Variants in ADAM32 observed in about 807,000 individuals in gnomAD.
ADAM32 encodes the protein ADAM metallopeptidase domain 32.
Under a neutral mutation model 114.9 loss-of-function variants are expected in ADAM32, and 89 were observed. The observed-to-expected ratio is 0.77, with a 90% CI of 0.65 to 0.92. The LOEUF (loss-of-function observed/expected upper bound fraction) is 0.92. Among genes scored for constraint, ADAM32 ranks in the 40% least tolerant of loss-of-function variants. The probability of loss-of-function intolerance (pLI) is 0.00; values close to 1 mark genes in which losing one functional copy is unlikely to be tolerated. For synonymous variants in ADAM32, 285 were observed against 307.5 expected (o/e 0.93, Z 0.77); for missense variants, 870 against 932.8 (o/e 0.93, Z 0.88).
chr8:39,161,127 A>G (rs939174281), intron 7 of ADAM32, among the ~76,000 whole-genome samples, 162 bp downstream of exon 7: 2 of 152,248 alleles, frequency 1.3e-5, no homozygotes, highest in African/African-American at 2.4e-5. Context: ...AGTCAAAATG[A>G]TACTAGTTTT....
chr8:39,257,170 TGTATTTC>T lies in ADAM32; in HGVS notation c.2006-16_2006-10del. On this transcript the variant is annotated splice_polypyrimidine_tract_variant and intron_variant, in intron 18 of 24. Transcript: ENST00000379907. ...TTTAATTTTTTTGTTTTTTTTTTTT[TGTATTTC>T]TGTTTTTAGGTTCAATCATGGAAAG... 1 of 1,508,260 alleles carries T rather than the reference TGTATTTC, an allele frequency of 6.6e-7. No homozygotes were observed. The highest frequency in any genetic ancestry group is 2.3e-5 in the Admixed American group (1 of 42,748). 93.4% of individuals were successfully genotyped at this position (1,508,260 alleles called of 1,614,324 possible).
intron 2 of ADAM32, among the ~76,000 whole-genome samples, chr8:39,121,109 A>G (rs932764687): frequency 3.9e-5 from 6 of 152,218 alleles, no homozygotes; most frequent in Non-Finnish European, 8.8e-5. Context: ...TTAAAATGAG[A>G]AATGATGTTT....
At chr8:39,235,003 G>A (rs866325595) in intron 16 of ADAM32, among the ~76,000 whole-genome samples, 6 of 151,066 alleles carry the variant, frequency 4.0e-5, no homozygotes, top group East Asian at 3.9e-4. Context: ...CCTTCCCCCC[G>A]CCCCTCTCTG....
intron 10 of ADAM32, among the ~76,000 whole-genome samples, chr8:39,179,322 T>G (rs1485770152): frequency 2.6e-5 from 4 of 152,344 alleles, no homozygotes; most frequent in African/African-American, 9.6e-5. Flanking sequence ...TCCAGCCTGC[T>G]GCTACTGGCT....
chr8:39,226,332 T>C (rs979150057), intron 14 of ADAM32, among the ~76,000 whole-genome samples: 2 of 152,076 alleles, frequency 1.3e-5, no homozygotes, highest in Non-Finnish European at 1.5e-5. Flanking sequence ...TTTAAAATAA[T>C]AATAACTGAA....
chr8:39,227,873 A>C lies in ADAM32; in HGVS notation c.1526-4154A>C, dbSNP rs369515879. 2.0e-5 allele frequency among the ~76,000 whole-genome samples: 3 copies of C among 152,302 alleles called. No individual in the cohort carries two copies. The East Asian group carries it at 5.8e-4, about 29-fold the overall frequency. ...ACCACCTCCTGGCAGGAGGCCAACC[A>C]GCACAAAAATAGGGCATTAAGCCAC... is the stretch of plus-strand genomic sequence containing the variant. On this transcript the variant is annotated intron_variant, in intron 14 of 24. Transcript: ENST00000379907.
Position 39,160,880 on chromosome 8 carries a change from GT to G in ADAM32, c.526-13del. On this transcript the variant is annotated splice_polypyrimidine_tract_variant and intron_variant, in intron 6 of 24. Transcript: ENST00000379907. ...TGAAATTTTTCATGTATTATATGCT[GT>G]TTTCCTTTTTTCTAGTCAGAACCAG... The G allele has an allele frequency of 6.4e-7, 1 of 1,566,348 alleles. No homozygotes were observed. Among genetic ancestry groups the G allele is most frequent in the Admixed American group, 1.9e-5 (1 of 51,902 alleles).
intron 14 of ADAM32, chr8:39,224,152 C>T (rs142927277): frequency 6.6e-6 from 1 of 152,182 alleles, no homozygotes; most frequent in African/African-American, 2.4e-5. Context: ...ACTTTCATTC[C>T]ATCAGATTGT....
rs114514549 is a variant in ADAM32 at position 39,115,924 on chromosome 8, G to A, written c.59-2162G>A. 6.9e-3 allele frequency among the ~76,000 whole-genome samples: 1,057 copies of A among 152,230 alleles called. 22 individuals are homozygous for A. The highest frequency in any genetic ancestry group is 0.024 in the African/African-American group (999 of 41,526). On this transcript the variant is annotated intron_variant, in intron 1 of 24. Transcript: ENST00000379907. ...CATCTTGCATTGGTTATTGAATATG[G>A]CAAAAGGTTCAGTTGCAGTCTTCTG... is the stretch of plus-strand genomic sequence containing the variant.
chr8:39,150,270 T>G (rs775184053), intron 5 of ADAM32, among the ~76,000 whole-genome samples: 6 of 152,118 alleles, frequency 3.9e-5, no homozygotes, highest in Non-Finnish European at 7.4e-5. Flanking sequence ...TCTGCTGCTT[T>G]TGTAACTATA....
chr8:39,238,682 G>A (rs563316244), intron 16 of ADAM32, among the ~76,000 whole-genome samples: 3 of 152,094 alleles, frequency 2.0e-5, no homozygotes, highest in African/African-American at 7.2e-5. Context: ...ATTTTTTAAA[G>A]TACAGAATAT....
At chr8:39,255,619 G>A (rs1811607454) in intron 18 of ADAM32, among the ~76,000 whole-genome samples, 1 of 151,918 alleles carries the variant, frequency 6.6e-6, no homozygotes, top group African/African-American at 2.4e-5. Flanking sequence ...ATAGATTCTG[G>A]ATATTAGTTC....
intron 10 of ADAM32, among the ~76,000 whole-genome samples, chr8:39,173,241 A>G (rs933711099): frequency 6.6e-6 from 1 of 152,196 alleles, no homozygotes; most frequent in African/African-American, 2.4e-5. Context: ...CTGGGCAACA[A>G]GAGGGAGACT....
At chr8:39,197,746 C>G (rs1226524199) in intron 11 of ADAM32, among the ~76,000 whole-genome samples, 1 of 152,126 alleles carries the variant, frequency 6.6e-6, no homozygotes, top group Non-Finnish European at 1.5e-5. Flanking sequence ...GTGGACTATG[C>G]TGGAGAATGT....
intron 2 of ADAM32, among the ~76,000 whole-genome samples, chr8:39,127,111 G>A (rs1455327008): frequency 1.3e-5 from 2 of 152,136 alleles, no homozygotes; most frequent in South Asian, 2.1e-4. Flanking sequence ...TTTCATCAGG[G>A]ATATTGGCCT....
intron 18 of ADAM32, among the ~76,000 whole-genome samples, chr8:39,256,653 G>T (rs1409670326): frequency 6.6e-6 from 1 of 151,954 alleles, no homozygotes; most frequent in Non-Finnish European, 1.5e-5. Context: ...AATATGTTTA[G>T]GTCTATGTAT....
chr8:39,247,017 T>G (rs1810974734), intron 17 of ADAM32, among the ~76,000 whole-genome samples: 1 of 152,196 alleles, frequency 6.6e-6, no homozygotes, highest in African/African-American at 2.4e-5. Context: ...CTCCGTGTTT[T>G]TCTATGGCTT....
Position 39,209,781 on chromosome 8 carries a change from G to A in ADAM32, c.1053-1363G>A, listed in dbSNP as rs541590111. Reference sequence around the variant, plus strand: ...CTTGGGGAATATCAGAGACAGTTCTGTGGGTTTCCAAGCCCAAAGTCTCTT... The same window carrying A: ...CTTGGGGAATATCAGAGACAGTTCTATGGGTTTCCAAGCCCAAAGTCTCTT... On this transcript the variant is annotated intron_variant, in intron 11 of 24. Transcript: ENST00000379907. Among the ~76,000 whole-genome samples, 20 of 152,322 alleles carry A rather than the reference G, an allele frequency of 1.3e-4. No individual in the cohort carries two copies. The South Asian group carries it at 3.3e-3, about 25-fold the overall frequency.
intron 11 of ADAM32, among the ~76,000 whole-genome samples, chr8:39,193,834 G>T (rs1381837737): frequency 2.0e-5 from 3 of 152,122 alleles, no homozygotes; most frequent in African/African-American, 4.8e-5. Flanking sequence ...CCCCAGCTTT[G>T]TTCTCTGGCT....
Sources: gnomAD v4.1 joint callset for allele counts (sites outside exome capture counted in the v4.1 genomes callset) on GRCh38, gnomAD v4.1.1 for gene constraint, MANE v1.5 for transcripts, NCBI Gene and HGNC (gene_info 2026-07-23, HGNC 2026-07-21) for gene names.